The following CSMD1 variants were observed in gnomAD, a reference collection of about 807,000 sequenced individuals.
CSMD1 encodes CUB and Sushi multiple domains 1.
In CSMD1, 213 loss-of-function variants were observed where a neutral mutation model predicts 417.5. That is an observed-to-expected ratio of 0.51 (90% CI 0.46 to 0.57). CSMD1 has a LOEUF of 0.57. Among genes scored for constraint, CSMD1 ranks in the 20% least tolerant of loss-of-function variants. The pLI is 0.00. For synonymous variants in CSMD1, 2,862 were observed against 1,736.8 expected, an observed-to-expected ratio of 1.65 and a Z score of -16.11; for missense variants, 6,923 against 4,529.7, an observed-to-expected ratio of 1.53 and a Z score of -15.17.
At chr8:3,502,331 C>T (rs549608212) in intron 10 of CSMD1, among the ~76,000 whole-genome samples, 122 of 144,492 alleles carry the variant, frequency 8.4e-4, no homozygotes, top group African/African-American at 2.8e-3. Flanking sequence ...CGCCACTGCA[C>T]TGCAGCCTGG....
chr8:4,225,775 C>A (rs564742284), intron 3 of CSMD1, among the ~76,000 whole-genome samples: 3 of 152,080 alleles, frequency 2.0e-5, no homozygotes, highest in African/African-American at 7.2e-5. Context: ...CTATTCAAAT[C>A]TATTCAGAGT....
chr8:3,769,801 C>G (rs1420629223), intron 5 of CSMD1, among the ~76,000 whole-genome samples: 2 of 152,170 alleles, frequency 1.3e-5, no homozygotes, highest in Admixed American at 6.5e-5. Context: ...TAGCACATCA[C>G]CTTACGATGC....
At chr8:4,789,020 C>G (rs1311019006) in intron 1 of CSMD1, among the ~76,000 whole-genome samples, 7 of 152,144 alleles carry the variant, frequency 4.6e-5, no homozygotes, top group Admixed American at 2.0e-4. Flanking sequence ...AATCAGACTA[C>G]CAGGGTCTCA....
At chr8:3,896,967 A>G (rs949507294) in intron 5 of CSMD1, among the ~76,000 whole-genome samples, 1 of 152,016 alleles carries the variant, frequency 6.6e-6, no homozygotes, top group African/African-American at 2.4e-5. Flanking sequence ...TCTGCTTAAC[A>G]TGACATCCTA....
intron 10 of CSMD1, among the ~76,000 whole-genome samples, chr8:3,498,609 C>A (rs534987874): frequency 6.6e-6 from 1 of 152,294 alleles, no homozygotes; most frequent in Admixed American, 6.5e-5. Context: ...TTTCTGATCT[C>A]TTCTCCTTCT....
rs186147401 is a variant in CSMD1 at position 4,170,020 on chromosome 8, A to G, written c.416-137921T>C. Among the ~76,000 whole-genome samples the G allele has an allele frequency of 5.3e-5, 8 of 151,974 alleles. 1 individual carries two copies. The highest frequency in any genetic ancestry group is 3.9e-4 in the East Asian group (2 of 5,188). Reference sequence around the variant, plus strand: ...TAGAGCCTAAGAGATCGTAAAATCAATAAGAGATTAAATAATTATTTGAAT... The same window carrying G: ...TAGAGCCTAAGAGATCGTAAAATCAGTAAGAGATTAAATAATTATTTGAAT... On this transcript the variant is annotated intron_variant, in intron 3 of 69. Coordinates refer to ENST00000635120, the MANE Select transcript of CSMD1 (RefSeq NM_033225.6).
At chr8:3,599,128 T>A (rs1007079610) in intron 8 of CSMD1, among the ~76,000 whole-genome samples, 2 of 130,434 alleles carry the variant, frequency 1.5e-5, no homozygotes, top group Non-Finnish European at 3.1e-5. Context: ...CTTACTGCTG[T>A]GTGTGTGTGT....
At chr8:3,577,714 G>C (rs1277254030) in intron 9 of CSMD1, among the ~76,000 whole-genome samples, 3 of 152,284 alleles carry the variant, frequency 2.0e-5, no homozygotes, top group East Asian at 3.9e-4. Context: ...ATTGTTGAAA[G>C]CTTGTGCTAC....
intron 1 of CSMD1, among the ~76,000 whole-genome samples, chr8:4,915,377 T>C (rs1490433631): frequency 6.6e-6 from 1 of 152,238 alleles, no homozygotes; most frequent in African/African-American, 2.4e-5. Context: ...CTGACAATCG[T>C]AGATTCTGAT....
intron 7 of CSMD1, among the ~76,000 whole-genome samples, chr8:3,671,863 C>T (rs1006110180): frequency 2.0e-5 from 3 of 151,990 alleles, no homozygotes; most frequent in African/African-American, 4.8e-5. Context: ...CCTGTCACCA[C>T]CTCTATCACT....
intron 3 of CSMD1, among the ~76,000 whole-genome samples, chr8:4,163,480 G>T (rs761922639): frequency 6.6e-6 from 1 of 151,966 alleles, no homozygotes; most frequent in African/African-American, 2.4e-5. Context: ...CTTTTATTTA[G>T]ATTTTATCCT....
intron 54 of CSMD1, among the ~76,000 whole-genome samples, chr8:2,985,210 G>C (rs1324264742): frequency 1.3e-5 from 2 of 152,152 alleles, no homozygotes; most frequent in Admixed American, 6.5e-5. Flanking sequence ...CATGTTCAAA[G>C]CTTTATTTTG....
At chr8:3,608,317 G>T (rs986896344) in intron 8 of CSMD1, among the ~76,000 whole-genome samples, 2 of 152,134 alleles carry the variant, frequency 1.3e-5, no homozygotes, top group African/African-American at 4.8e-5. Context: ...TTTATGGATA[G>T]ACATGAAGGG....
At chr8:3,620,742 C>A (rs1171562237) in intron 7 of CSMD1, among the ~76,000 whole-genome samples, 3 of 151,980 alleles carry the variant, frequency 2.0e-5, no homozygotes, top group Non-Finnish European at 2.9e-5. Context: ...AGTAATGGGA[C>A]AAAGGAGGGA....
chr8:3,187,828 G>A (rs527304925), intron 36 of CSMD1, 41 bp downstream of exon 36: 1 of 1,474,768 alleles, frequency 6.8e-7, no homozygotes, highest in African/African-American at 1.4e-5. Context: ...GGTGTTTGCA[G>A]ATTTTGAGTC....
intron 3 of CSMD1, among the ~76,000 whole-genome samples, chr8:4,057,476 T>A (rs1402510814): frequency 6.6e-6 from 1 of 152,190 alleles, no homozygotes; most frequent in Non-Finnish European, 1.5e-5. Flanking sequence ...TCACCCATTT[T>A]GTAGGTTGCC....
intron 2 of CSMD1, among the ~76,000 whole-genome samples, chr8:4,576,755 C>A (rs1799156547): frequency 6.6e-6 from 1 of 152,018 alleles, no homozygotes; most frequent in Non-Finnish European, 1.5e-5. Flanking sequence ...ATGTTAATAT[C>A]AATATGTATG....
intron 1 of CSMD1, among the ~76,000 whole-genome samples, chr8:4,872,343 G>T (rs1294557734): frequency 6.6e-6 from 1 of 152,036 alleles, no homozygotes; most frequent in Non-Finnish European, 1.5e-5. Flanking sequence ...ATCTCCACAT[G>T]TCAAGGAAGA....
chr8:4,174,737 G>C (rs73658435), intron 3 of CSMD1, among the ~76,000 whole-genome samples: 9 of 92,228 alleles, frequency 9.8e-5, no homozygotes, highest in African/African-American at 4.8e-4. Context: ...TGAGGAAGAG[G>C]GATGTGAGGA....
Sources: gnomAD v4.1 joint callset for allele counts (sites outside exome capture counted in the v4.1 genomes callset) on GRCh38, gnomAD v4.1.1 for gene constraint, MANE v1.5 for transcripts, NCBI Gene and HGNC (gene_info 2026-07-23, HGNC 2026-07-21) for gene names.